SNX29: variants seen among roughly 807,000 people sequenced by gnomAD.
The protein encoded by SNX29 is sorting nexin 29.
A neutral mutation model predicts 102.1 loss-of-function variants in SNX29; 78 were observed. The ratio of observed to expected loss-of-function variants is 0.76; its 90% confidence interval spans 0.64 to 0.92. The LOEUF (loss-of-function observed/expected upper bound fraction) is 0.92. SNX29 is among the 40% of genes least tolerant of loss of function. SNX29 has a pLI of 0.00. For synonymous variants in SNX29, 580 were observed against 414.5 expected (o/e 1.40, Z -4.85); for missense variants, 1,280 against 1,061.7 (o/e 1.21, Z -2.86).
At chr16:12,421,795 C>T (rs2084880917) in intron 18 of SNX29, among the ~76,000 whole-genome samples, 1 of 152,076 alleles carries the variant, frequency 6.6e-6, no homozygotes, top group South Asian at 2.1e-4. Flanking sequence ...TCATCACCAA[C>T]CATCACCATT....
At chr16:12,542,292 C>T (rs1049173226) in intron 20 of SNX29, among the ~76,000 whole-genome samples, 1 of 152,014 alleles carries the variant, frequency 6.6e-6, no homozygotes, top group East Asian at 1.9e-4. Context: ...AGGAACTTGC[C>T]CAAGATCACA....
intron 18 of SNX29, among the ~76,000 whole-genome samples, chr16:12,441,728 T>G (rs2085816656): frequency 6.6e-6 from 1 of 152,220 alleles, no homozygotes; most frequent in Non-Finnish European, 1.5e-5. Flanking sequence ...TAGCCCTGTG[T>G]TTTCTTCTGA....
chr16:12,005,311 T>C (rs923993194), intron 3 of SNX29, among the ~76,000 whole-genome samples: 2 of 152,196 alleles, frequency 1.3e-5, no homozygotes, highest in African/African-American at 2.4e-5. Context: ...GGGAGGCTTA[T>C]TGATTAATGA....
intron 18 of SNX29, among the ~76,000 whole-genome samples, chr16:12,440,266 T>C (rs1395430233): frequency 2.6e-5 from 4 of 152,130 alleles, no homozygotes; most frequent in Non-Finnish European, 2.9e-5. Context: ...CTTTTCAAAG[T>C]GTACGATTCA....
rs114405140 is a variant in SNX29 at position 12,023,746 on chromosome 16, C to A, written c.123-3574C>A. Among the ~76,000 whole-genome samples, 1,413 of 152,202 alleles carry A rather than the reference C, an allele frequency of 9.3e-3. 17 individuals are homozygous for A. The highest frequency in any genetic ancestry group is 0.032 in the African/African-American group (1,334 of 41,524). On this transcript the variant is annotated intron_variant, in intron 3 of 20. Coordinates refer to ENST00000566228, the MANE Select transcript of SNX29 (RefSeq NM_032167.5). ...GCAGTGGAAAGCCTTAGTGTGACCTCGTGTATGACATAGTGCTTCCAAGAT... is the reference window on the plus strand; with the variant it reads ...GCAGTGGAAAGCCTTAGTGTGACCTAGTGTATGACATAGTGCTTCCAAGAT...
At chr16:12,320,908 C>A (rs755361587) in intron 15 of SNX29, among the ~76,000 whole-genome samples, 2 of 152,124 alleles carry the variant, frequency 1.3e-5, no homozygotes, top group Admixed American at 6.5e-5. Flanking sequence ...AAAAGGATGG[C>A]GGCAGTGTTT....
At chr16:12,191,029 G>T (rs2076628998) in intron 13 of SNX29, among the ~76,000 whole-genome samples, 1 of 152,186 alleles carries the variant, frequency 6.6e-6, no homozygotes, top group African/African-American at 2.4e-5. Flanking sequence ...CCAGGGACTG[G>T]TTGCGTGGAA....
At chr16:12,567,837 C>T (rs1021735340) in intron 20 of SNX29, among the ~76,000 whole-genome samples, 1 of 152,154 alleles carries the variant, frequency 6.6e-6, no homozygotes, top group African/African-American at 2.4e-5. Flanking sequence ...CACGGTGAAG[C>T]CTCCCAGCCT....
chr16:12,152,565 T>A lies in SNX29; in HGVS notation c.1595+22807T>A, dbSNP rs117468208. Among the ~76,000 whole-genome samples, 190 of 152,308 alleles carry A rather than the reference T, an allele frequency of 1.2e-3. 4 individuals carry two copies. In the East Asian group the frequency reaches 0.032, roughly 26 times the overall value. ...CTGAACCCCAGATTCACCCATCAAATGGGGCAAACCACCATCTTCAAACCA... is the reference window on the plus strand; with the variant it reads ...CTGAACCCCAGATTCACCCATCAAAAGGGGCAAACCACCATCTTCAAACCA... On this transcript the variant is annotated intron_variant, in intron 13 of 20. Transcript: ENST00000566228.
intron 20 of SNX29, among the ~76,000 whole-genome samples, chr16:12,538,869 G>A (rs1392701163): frequency 6.6e-6 from 1 of 151,588 alleles, no homozygotes; most frequent in Admixed American, 6.6e-5. Context: ...AACGGTAGAT[G>A]GGGCCATTTG....
chr16:12,380,377 C>CACCCACCCAACCACCCATCATCT (rs2083034003), intron 16 of SNX29, among the ~76,000 whole-genome samples: 1 of 60,422 alleles, frequency 1.7e-5, no homozygotes, highest in Non-Finnish European at 3.4e-5. Context: ...TCCACTTATC[C>CACCCACCCAACCACCCATCATCT]ACCCACCCAC....
At chr16:12,436,169 C>T (rs965556630) in intron 18 of SNX29, among the ~76,000 whole-genome samples, 2 of 152,128 alleles carry the variant, frequency 1.3e-5, no homozygotes, top group African/African-American at 2.4e-5. Flanking sequence ...TGGCGATGCC[C>T]GAGACCCCTG....
At chr16:12,375,104 G>C (rs2082824622) in intron 16 of SNX29, 1 of 152,114 alleles carries the variant, frequency 6.6e-6, no homozygotes, top group Non-Finnish European at 1.5e-5. Context: ...AGTGCAAGTG[G>C]GAGGCGAGTG....
At chr16:12,308,847 A>G (rs1279004371) in intron 15 of SNX29, among the ~76,000 whole-genome samples, 1 of 152,204 alleles carries the variant, frequency 6.6e-6, no homozygotes. Flanking sequence ...GGTGGCTGCA[A>G]GTGTGATTAT....
At chr16:12,346,942 C>A (rs2081830331) in intron 15 of SNX29, among the ~76,000 whole-genome samples, 1 of 152,146 alleles carries the variant, frequency 6.6e-6, no homozygotes, top group Admixed American at 6.5e-5. Flanking sequence ...GGGCCTGAGA[C>A]CTGGCAGCCC....
chr16:12,318,725 G>A (rs956360500), intron 15 of SNX29, among the ~76,000 whole-genome samples: 6 of 152,006 alleles, frequency 3.9e-5, no homozygotes, highest in Non-Finnish European at 8.8e-5. Context: ...CTGTAACGAG[G>A]TACAGGGAGA....
chr16:12,076,971 G>A (rs892848187), intron 10 of SNX29, among the ~76,000 whole-genome samples: 18 of 151,956 alleles, frequency 1.2e-4, no homozygotes, highest in African/African-American at 4.1e-4. Flanking sequence ...GTCTTTTTTT[G>A]CTATTTATTT....
chr16:12,173,525 G>C (rs988005625), intron 13 of SNX29, among the ~76,000 whole-genome samples: 1 of 152,172 alleles, frequency 6.6e-6, no homozygotes, highest in Non-Finnish European at 1.5e-5. Flanking sequence ...GCTGAGTGAG[G>C]TCTTGAATCT....
At chr16:11,993,953 T>C (rs1445483880) in intron 1 of SNX29, among the ~76,000 whole-genome samples, 2 of 152,268 alleles carry the variant, frequency 1.3e-5, no homozygotes, top group East Asian at 3.9e-4. Flanking sequence ...AAATCCCGTC[T>C]CTACTAAAAA....
Sources: allele counts gnomAD v4.1 joint callset (sites outside exome capture counted in the v4.1 genomes callset), GRCh38; gene constraint gnomAD v4.1.1; transcripts MANE v1.5; gene names NCBI Gene and HGNC (gene_info 2026-07-23, HGNC 2026-07-21).